TXNDC15: variants seen among roughly 807,000 people sequenced by gnomAD.
TXNDC15 encodes the protein thioredoxin domain-containing protein 15.
Under a neutral mutation model 35.0 loss-of-function variants are expected in TXNDC15, and 24 were observed. The observed-to-expected ratio is 0.68, with a 90% confidence interval of 0.50 to 0.96. TXNDC15 has a LOEUF of 0.96. Among genes scored for constraint, TXNDC15 ranks in the 40% least tolerant of loss-of-function variants. TXNDC15 has a pLI of 0.00. For synonymous variants in TXNDC15, 169 were observed against 174.0 expected, an observed-to-expected ratio of 0.97 and a Z score of 0.23; for missense variants, 385 against 453.3, an observed-to-expected ratio of 0.85 and a Z score of 1.37.
chr5:134,897,050 G>A (rs1322713782), intron 4 of TXNDC15, among the ~76,000 whole-genome samples: 1 of 151,214 alleles, frequency 6.6e-6, no homozygotes, highest in Non-Finnish European at 1.5e-5. Context: ...CAAGTGATTT[G>A]CGTGCCTCAG....
chr5:134,882,072 G>C (rs13171122), intron 1 of TXNDC15, among the ~76,000 whole-genome samples: 6 of 148,608 alleles, frequency 4.0e-5, no homozygotes. Flanking sequence ...GGGCGGAGGG[G>C]CTCCTCACTT....
At chr5:134,897,721 G>C (rs533432655) in intron 4 of TXNDC15, among the ~76,000 whole-genome samples, 1 of 152,288 alleles carries the variant, frequency 6.6e-6, no homozygotes, top group African/African-American at 2.4e-5. Context: ...TAACCACTCT[G>C]ATCAAGAAAC....
chr5:134,887,898 G>A lies in TXNDC15; in HGVS notation c.307G>A (p.Asp103Asn), dbSNP rs564525612. 1.9e-6 allele frequency: 3 copies of A among 1,614,208 alleles called. No individual in the cohort carries two copies. The highest frequency in any genetic ancestry group is 1.1e-5 in the South Asian group (1 of 91,076). Residue 103 changes from aspartate to asparagine, a missense_variant, in exon 2 of 5, where the codon GAC becomes AAC. Transcript: ENST00000358387. ...GTCTGTGATTCCTGGGGAAGCTGAG[G>A]ACAAAGTGAGTTCAGAGCCTAGCGG... ...MLSVIPGEAE[D>N]KVSSEPSGVT...
chr5:134,889,507 A>G lies in TXNDC15; in HGVS notation c.591+1325A>G, dbSNP rs925268592. Among the ~76,000 whole-genome samples the G allele has an allele frequency of 2.6e-5, 4 of 152,356 alleles. No individual in the cohort carries two copies. The East Asian group carries it at 7.7e-4, about 29-fold the overall frequency. On this transcript the variant is annotated intron_variant, in intron 2 of 4. Coordinates refer to ENST00000358387, the MANE Select transcript of TXNDC15 (RefSeq NM_024715.4). ...CCAGAGTGTTGGGATTACAGATGTA[A>G]GATACTGTGGCTGGCTAGGACAGTG...
chr5:134,887,669 A>G, intron 1 of TXNDC15, 26 bp from the exon 2 acceptor site: 3 of 1,530,836 alleles, frequency 2.0e-6, no homozygotes, highest in Non-Finnish European at 2.6e-6. Flanking sequence ...GTCAAATATG[A>G]CTCTGAATGT....
Position 134,875,181 on chromosome 5 carries a change from A to C in TXNDC15, c.103+651A>C, listed in dbSNP as rs554292751. 3.4e-4 allele frequency: 155 copies of C among 456,138 alleles called. No homozygotes were observed. In the East Asian group the frequency reaches 6.0e-3, roughly 18 times the overall value. The allele number at this position is 456,138 out of a possible 1,614,324, so 28.3% of individuals were successfully genotyped here. Reference sequence around the variant, plus strand: ...CACGGGAGACTCCCGGTAACCCCCAACTTGCCGGTAGGGAAGGCAGCCACT... The same window carrying C: ...CACGGGAGACTCCCGGTAACCCCCACCTTGCCGGTAGGGAAGGCAGCCACT... On this transcript the variant is annotated intron_variant, in intron 1 of 4. Coordinates refer to ENST00000358387, the MANE Select transcript of TXNDC15 (RefSeq NM_024715.4).
chr5:134,881,920 C>T (rs539867844), intron 1 of TXNDC15, among the ~76,000 whole-genome samples: 116 of 149,950 alleles, frequency 7.7e-4, no homozygotes, highest in Non-Finnish European at 1.0e-3. Context: ...ACCTCCCGGA[C>T]GGGGCGGCTG....
At chr5:134,899,361 AT>A in intron 4 of TXNDC15, 127 bp from the exon 5 acceptor site, 1 of 715,006 alleles carries the variant, frequency 1.4e-6, no homozygotes, top group East Asian at 2.8e-5. Context: ...CCATATATTT[AT>A]ATATATACTA....
chr5:134,899,390 A>T, intron 4 of TXNDC15, 99 bp from the exon 5 acceptor site: 1 of 959,710 alleles, frequency 1.0e-6, no homozygotes, highest in Non-Finnish European at 1.6e-6. Context: ...TGCTTATTTT[A>T]GGACTGCATG....
intron 3 of TXNDC15, among the ~76,000 whole-genome samples, chr5:134,895,363 G>A (rs1750468670): frequency 6.6e-6 from 1 of 152,196 alleles, no homozygotes; most frequent in East Asian, 1.9e-4. Flanking sequence ...GATCACGTCA[G>A]TGTCCAGCTT....
intron 3 of TXNDC15, among the ~76,000 whole-genome samples, chr5:134,895,868 G>A (rs1342459963): frequency 6.6e-6 from 1 of 152,132 alleles, no homozygotes. Flanking sequence ...ATACTCCCTT[G>A]TGCCAGCTTA....
chr5:134,888,135 A>G lies in TXNDC15; in HGVS notation c.544A>G (p.Ile182Val), dbSNP rs368307447. ...SPKVNCEERNITGLENFTLKI... is the reference protein window; with the variant it reads ...SPKVNCEERNVTGLENFTLKI... ...AAAGGTGAACTGTGAGGAGAGAAACATTACAGGATTAGAAAATTTCACTCT... is the reference window on the plus strand; with the variant it reads ...AAAGGTGAACTGTGAGGAGAGAAACGTTACAGGATTAGAAAATTTCACTCT... The change falls in exon 2 of 5, where the codon ATT becomes GTT. Residue 182 changes from isoleucine (I) to valine (V), a missense_variant. Coordinates refer to ENST00000358387, the MANE Select transcript of TXNDC15 (RefSeq NM_024715.4). 5.6e-6 allele frequency: 9 copies of G among 1,609,332 alleles called. No homozygotes were observed. Among genetic ancestry groups the G allele is most frequent in the African/African-American group, 5.3e-5 (4 of 74,790 alleles).
rs748459535 is a variant in TXNDC15 at position 134,874,549 on chromosome 5, C to T, written c.103+19C>T. ...GTGGAGGGTGAGTGTGGGCCGGGGG[C>T]GGTGCATGAGATGATGGGGCGAGCT... is the stretch of plus-strand genomic sequence containing the variant. On this transcript the variant is annotated intron_variant, in intron 1 of 4. Transcript: ENST00000358387. 2.5e-6 allele frequency: 4 copies of T among 1,583,140 alleles called. No homozygotes were observed. The highest frequency in any genetic ancestry group is 2.8e-5 in the African/African-American group (2 of 72,102).
At position 134,875,352 on chromosome 5, in the gene TXNDC15, G is replaced by C. The variant is rs149570581; in HGVS notation, c.103+822G>C. On this transcript the variant is annotated intron_variant, in intron 1 of 4. Transcript: ENST00000358387. ...ATAGGCAGGTCTTTCTTTTCCCTGG[G>C]GTGTCCTGGATGGAGGCAGGACAGC... is the stretch of plus-strand genomic sequence containing the variant. 3.9e-5 allele frequency: 18 copies of C among 456,208 alleles called. No homozygotes were observed. In the East Asian group the frequency reaches 1.2e-3, roughly 30 times the overall value. 28.3% of individuals were successfully genotyped at this position (456,208 alleles called of 1,614,324 possible). A position where few individuals can be genotyped will look rare whatever the true frequency, so the allele number is the denominator to read the frequency against.
intron 4 of TXNDC15, among the ~76,000 whole-genome samples, chr5:134,897,975 T>C (rs1750527891): frequency 6.6e-6 from 1 of 151,688 alleles, no homozygotes; most frequent in African/African-American, 2.4e-5. Context: ...CAGTACTGCA[T>C]TCCAGCCTGG....
rs1279262737 is a variant in TXNDC15 at position 134,899,808 on chromosome 5, C to T, written c.*123C>T. On this transcript the variant is annotated 3_prime_UTR_variant, in exon 5 of 5. Coordinates refer to ENST00000358387, the MANE Select transcript of TXNDC15 (RefSeq NM_024715.4). ...GAAACTTCAGGCAGATTAAAAGAAT[C>T]ATTTGTTGAACAACTGAATGTATAA... 5.0e-6 allele frequency: 4 copies of T among 798,594 alleles called. No individual in the cohort carries two copies. The African/African-American group carries it at 5.3e-5, about 11-fold the overall frequency. 49.5% of individuals were successfully genotyped at this position (798,594 alleles called of 1,614,324 possible). A position where few individuals can be genotyped will look rare whatever the true frequency, so the allele number is the denominator to read the frequency against.
At chr5:134,881,395 GAGCATGCTGCCTTCA>G (rs1162754284) in intron 1 of TXNDC15, among the ~76,000 whole-genome samples, 1 of 96,836 alleles carries the variant, frequency 1.0e-5, no homozygotes, top group African/African-American at 4.1e-5. Context: ...GACTCTTAAC[GAGCATGCTGCCTTCA>G]AGCGTCTGTT....
chr5:134,880,263 T>C (rs1250386401), intron 1 of TXNDC15, among the ~76,000 whole-genome samples: 1 of 152,204 alleles, frequency 6.6e-6, no homozygotes, highest in Non-Finnish European at 1.5e-5. Context: ...TATTTATCCA[T>C]GTAGTTACCA....
chr5:134,896,563 C>T (rs1253679899), intron 4 of TXNDC15, 139 bp downstream of exon 4: 3 of 1,001,322 alleles, frequency 3.0e-6, no homozygotes, highest in Middle Eastern at 2.2e-4. Flanking sequence ...TTCTAATGAA[C>T]TGTTATGATC....
Sources: allele counts gnomAD v4.1 joint callset (sites outside exome capture counted in the v4.1 genomes callset), GRCh38; gene constraint gnomAD v4.1.1; transcripts MANE v1.5; gene names NCBI Gene and HGNC (gene_info 2026-07-23, HGNC 2026-07-21).